RDH10: variants seen among roughly 807,000 people sequenced by gnomAD.
The protein encoded by RDH10 is retinol dehydrogenase 10 (all-trans).
In RDH10, 12 loss-of-function variants were observed where a neutral mutation model predicts 30.2. That is an observed-to-expected ratio of 0.40 (90% CI 0.25 to 0.64). The LOEUF is 0.64. Among genes scored for constraint, RDH10 ranks in the 30% least tolerant of loss-of-function variants. The probability of loss-of-function intolerance (pLI) is 0.43; values close to 1 mark genes in which losing one functional copy is unlikely to be tolerated. For missense variants in RDH10, 268 were observed against 445.2 expected, an observed-to-expected ratio of 0.60 and a Z score of 3.58; for synonymous variants, 189 against 172.2, an observed-to-expected ratio of 1.10 and a Z score of -0.76.
At chr8:73,310,063 G>T (rs551330477) in intron 2 of RDH10, among the ~76,000 whole-genome samples, 1 of 152,294 alleles carries the variant, frequency 6.6e-6, no homozygotes, top group African/African-American at 2.4e-5. Flanking sequence ...GGTATAATTG[G>T]TCTGAGAGGT....
At chr8:73,320,096 G>GA (rs1165667547) in intron 3 of RDH10, among the ~76,000 whole-genome samples, 1 of 152,178 alleles carries the variant, frequency 6.6e-6, no homozygotes, top group African/African-American at 2.4e-5. Context: ...AGATTACAAG[G>GA]CATGATTATC....
At chr8:73,310,534 G>A (rs11776584) in intron 2 of RDH10, among the ~76,000 whole-genome samples, 29,659 of 152,178 alleles carry the variant, frequency 0.19, 2,943 homozygotes, top group Middle Eastern at 0.22. Flanking sequence ...GTGTTTATGC[G>A]TCATGGAAGT....
intron 1 of RDH10, 187 bp from the exon 2 acceptor site, chr8:73,297,005 CAA>C: frequency 1.7e-6 from 1 of 572,766 alleles, no homozygotes. Flanking sequence ...CTGTAATTCC[CAA>C]AGACTTCATG....
chr8:73,297,612 C>G, intron 2 of RDH10, 183 bp downstream of exon 2: 2 of 518,318 alleles, frequency 3.9e-6, no homozygotes, highest in South Asian at 2.2e-5. Flanking sequence ...TCCCCGCCCA[C>G]CCCCCCGCCA....
chr8:73,320,999 C>T lies in RDH10; in HGVS notation c.692C>T (p.Ala231Val), dbSNP rs1338693025. Reference protein sequence around the residue: ...HESLSHELKAAEKDGIKTTLV... With the variant: ...HESLSHELKAVEKDGIKTTLV... ...TCCCTGAGCCATGAACTAAAGGCTG[C>T]TGAAAAGGATGGAATTAAAACAACC... Residue 231 changes from alanine to valine, a missense_variant, in exon 4 of 6, where the codon GCT becomes GTT. Physicochemically the swap from Ala to Val is moderately conservative, Grantham distance 64 (BLOSUM62 0). This residue lies in a region of RDH10 where 136 missense variants were observed against 288.8 expected (regional missense o/e 0.47). Transcript: ENST00000240285. The T allele has an allele frequency of 6.2e-7, 1 of 1,613,836 alleles. No individual in the cohort carries two copies. The highest frequency in any genetic ancestry group is 2.2e-5 in the East Asian group (1 of 44,884).
intron 2 of RDH10, among the ~76,000 whole-genome samples, chr8:73,308,063 G>A (rs1814493298): frequency 6.6e-6 from 1 of 152,062 alleles, no homozygotes; most frequent in Non-Finnish European, 1.5e-5. Flanking sequence ...TCGTCACCCA[G>A]CTTCCTTCTT....
At chr8:73,296,174 T>C (rs914493327) in intron 1 of RDH10, among the ~76,000 whole-genome samples, 1 of 152,172 alleles carries the variant, frequency 6.6e-6, no homozygotes, top group Non-Finnish European at 1.5e-5. Context: ...TGTAAATTTC[T>C]TCCATGTTTT....
At chr8:73,295,807 G>A in intron 1 of RDH10, 1 of 1,178,970 alleles carries the variant, frequency 8.5e-7, no homozygotes, top group Non-Finnish European at 1.1e-6. Context: ...CGGTCTCTGG[G>A]GACCACGGCG....
intron 2 of RDH10, among the ~76,000 whole-genome samples, chr8:73,314,252 T>C (rs954695630): frequency 1.2e-4 from 19 of 152,266 alleles, no homozygotes; most frequent in Admixed American, 1.2e-3. Context: ...TATGCTGTGC[T>C]ATCTCAAATG....
At chr8:73,312,355 A>G (rs1276585216) in intron 2 of RDH10, 1 of 152,242 alleles carries the variant, frequency 6.6e-6, no homozygotes, top group African/African-American at 2.4e-5. Context: ...AAACATTGTG[A>G]GGCTACAGGG....
At position 73,323,059 on chromosome 8, in the gene RDH10, A is replaced by G. The variant is rs1247125262; in HGVS notation, c.*23A>G. On this transcript the variant is annotated 3_prime_UTR_variant, in exon 6 of 6. Coordinates refer to ENST00000240285, the MANE Select transcript of RDH10 (RefSeq NM_172037.5). ...TAAGAATCTTTTTGTATGGAATATTACTTCTATCAGAAGATGATCAAGATG... is the reference window on the plus strand; with the variant it reads ...TAAGAATCTTTTTGTATGGAATATTGCTTCTATCAGAAGATGATCAAGATG... 4 of 1,584,316 alleles carry G rather than the reference A, an allele frequency of 2.5e-6. No homozygotes were observed. The African/African-American group carries it at 5.4e-5, about 21-fold the overall frequency.
intron 4 of RDH10, chr8:73,322,146 A>G (rs957091500): frequency 7.8e-6 from 3 of 384,534 alleles, no homozygotes; most frequent in Non-Finnish European, 5.2e-6. Flanking sequence ...TTCAACATGT[A>G]ACCCAGTGAA....
intron 3 of RDH10, among the ~76,000 whole-genome samples, chr8:73,319,630 C>T (rs1814731657): frequency 6.6e-6 from 1 of 152,228 alleles, no homozygotes; most frequent in African/African-American, 2.4e-5. Context: ...TGGGCCAGCC[C>T]TCAGTGTGCC....
At chr8:73,318,164 A>T (rs1292850656) in intron 2 of RDH10, among the ~76,000 whole-genome samples, 2 of 152,172 alleles carry the variant, frequency 1.3e-5, no homozygotes, top group Admixed American at 6.5e-5. Context: ...GCAGGTTATA[A>T]AACTGTTGGG....
chr8:73,310,181 C>T (rs568788558), intron 2 of RDH10, among the ~76,000 whole-genome samples: 110 of 152,310 alleles, frequency 7.2e-4, no homozygotes, highest in Non-Finnish European at 1.1e-3. Flanking sequence ...AAGAGGTTCA[C>T]AAATACTTAT....
rs368207342 is a variant in RDH10, at chr8:73,308,833, A to C, written c.526-10263A>C. 4.6e-5 allele frequency among the ~76,000 whole-genome samples: 7 copies of C among 152,284 alleles called. No homozygotes were observed. The East Asian group carries it at 1.4e-3, about 29-fold the overall frequency. On this transcript the variant is annotated intron_variant, in intron 2 of 5. Transcript: ENST00000240285. ...GAGGATCAATTATATTGCCTGTTTC[A>C]CTGAACTCTTAGGAGAGTTGATCTG... is the stretch of plus-strand genomic sequence containing the variant.
intron 2 of RDH10, chr8:73,297,704 G>A (rs1036983033): frequency 6.0e-5 from 19 of 315,988 alleles, no homozygotes; most frequent in Admixed American, 3.1e-4. Context: ...ATAACACGAA[G>A]GAGCGTAAAA....
rs982287722 is a variant in RDH10, at chr8:73,295,182, C to G, written c.-108C>G. ...GGGGGCGGGCGCGGGGCGCAGCCTTCTCGTCCCGGCCTCTGTGACAAGCGC... is the reference window on the plus strand; with the variant it reads ...GGGGGCGGGCGCGGGGCGCAGCCTTGTCGTCCCGGCCTCTGTGACAAGCGC... On this transcript the variant is annotated 5_prime_UTR_variant, in exon 1 of 6. Transcript: ENST00000240285. The G allele has an allele frequency of 8.9e-7, 1 of 1,123,420 alleles. No individual in the cohort carries two copies. The highest frequency in any genetic ancestry group is 1.2e-6 in the Non-Finnish European group (1 of 842,126). 69.6% of individuals were successfully genotyped at this position (1,123,420 alleles called of 1,614,324 possible).
At chr8:73,311,437 GAC>G (rs1814562252) in intron 2 of RDH10, 1 of 152,212 alleles carries the variant, frequency 6.6e-6, no homozygotes, top group African/African-American at 2.4e-5. Context: ...ACAGTGGGAA[GAC>G]AAGTTAATGA....
Sources: gnomAD v4.1 joint callset for allele counts (sites outside exome capture counted in the v4.1 genomes callset) on GRCh38, gnomAD v4.1.1 for gene constraint, gnomAD v4.1.1 regional missense constraint, MANE v1.5 for transcripts, NCBI Gene and HGNC (gene_info 2026-07-23, HGNC 2026-07-21) for gene names.